Variants in PLEKHA5 observed in about 807,000 individuals in gnomAD.
PLEKHA5 encodes pleckstrin homology domain-containing family A member 5.
PLEKHA5 carries 55 observed loss-of-function variants against 181.9 expected under a neutral mutation model. That is an observed-to-expected ratio of 0.30 (90% CI 0.24 to 0.38). The LOEUF is 0.38. Ranked by LOEUF, PLEKHA5 falls within the 10% of genes least tolerant of loss-of-function variation. The probability of loss-of-function intolerance (pLI) is 1.00; values close to 1 mark genes in which losing one functional copy is unlikely to be tolerated. For missense variants in PLEKHA5, 1,432 were observed against 1,549.5 expected, an observed-to-expected ratio of 0.92 and a Z score of 1.27; for synonymous variants, 535 against 529.4, an observed-to-expected ratio of 1.01 and a Z score of -0.15.
chr12:19,358,279 C>A lies in PLEKHA5; in HGVS notation c.3190C>A (p.Pro1064Thr), dbSNP rs766104624. The change falls in exon 27 of 32, where the codon CCA becomes ACA. Residue 1064 changes from proline to threonine, a missense_variant. By Grantham distance (38) the Pro-to-Thr change is conservative (BLOSUM62 -1). Coordinates refer to ENST00000429027, the MANE Select transcript of PLEKHA5 (RefSeq NM_001256470.2). ...EQLCLAESTR[P>T]RMTVEEQMER... ...GCTCTGTTTGGCTGAAAGTACTCGACCAAGGATGACTGTGGAAGAGCAAAT... is the reference window on the plus strand; with the variant it reads ...GCTCTGTTTGGCTGAAAGTACTCGAACAAGGATGACTGTGGAAGAGCAAAT... 6 of 1,613,922 alleles carry A rather than the reference C, an allele frequency of 3.7e-6. No individual in the cohort carries two copies. In the South Asian group the frequency reaches 5.5e-5, roughly 15 times the overall value.
chr12:19,322,675 G>GT lies in PLEKHA5; in HGVS notation c.2448+8_2448+9insT. The GT allele has an allele frequency of 1.3e-6, 2 of 1,593,646 alleles. No individual in the cohort carries two copies. Among genetic ancestry groups the GT allele is most frequent in the South Asian group, 2.3e-5 (2 of 86,464 alleles). ...CTTTCTCGAGCCACTGCCGTAAGTAGATTTTTTTTTTCCCCTAATAAAAGT... is the reference window on the plus strand; with the variant it reads ...CTTTCTCGAGCCACTGCCGTAAGTAGTATTTTTTTTTTCCCCTAATAAAAGT... On this transcript the variant is annotated intron_variant, in intron 20 of 31. Transcript: ENST00000429027.
intron 11 of PLEKHA5, among the ~76,000 whole-genome samples, chr12:19,281,238 A>G (rs1054507835): frequency 3.3e-5 from 5 of 151,902 alleles, no homozygotes; most frequent in African/African-American, 9.7e-5. Context: ...AAAAAAAAAA[A>G]AAAAGTATGT....
chr12:19,304,018 A>G (rs1369225574), intron 15 of PLEKHA5, among the ~76,000 whole-genome samples: 2 of 150,496 alleles, frequency 1.3e-5, no homozygotes, highest in African/African-American at 4.9e-5. Flanking sequence ...CATGTTGCCC[A>G]TGCTGGTCTT....
At chr12:19,283,852 A>G (rs1312144767) in intron 12 of PLEKHA5, 107 bp downstream of exon 12, 3 of 653,946 alleles carry the variant, frequency 4.6e-6, no homozygotes, top group African/African-American at 3.6e-5. Flanking sequence ...GGATAAAGTA[A>G]GCAAGGCAGC....
intron 3 of PLEKHA5, among the ~76,000 whole-genome samples, chr12:19,156,421 T>C (rs1401090348): frequency 3.3e-5 from 5 of 152,010 alleles, no homozygotes; most frequent in Admixed American, 6.5e-5. Context: ...TTTTTTTTCA[T>C]GTTTTATTTT....
chr12:19,162,595 G>A (rs569861951), intron 3 of PLEKHA5, among the ~76,000 whole-genome samples: 11 of 151,848 alleles, frequency 7.2e-5, no homozygotes, highest in Admixed American at 7.2e-4. Flanking sequence ...AAAGAGTTGG[G>A]GGCAGAGAGC....
chr12:19,304,628 CT>C (rs1292752452), intron 15 of PLEKHA5, among the ~76,000 whole-genome samples: 2 of 152,150 alleles, frequency 1.3e-5, no homozygotes, highest in Non-Finnish European at 2.9e-5. Context: ...GACAGTAAAT[CT>C]TCAGAAAGAC....
intron 3 of PLEKHA5, chr12:19,154,728 G>C (rs961196715): frequency 6.6e-6 from 1 of 152,096 alleles, no homozygotes; most frequent in African/African-American, 2.4e-5. Flanking sequence ...TTAAAAACTG[G>C]AATCTACTAG....
At chr12:19,199,868 C>G (rs997017035) in intron 3 of PLEKHA5, among the ~76,000 whole-genome samples, 4 of 151,988 alleles carry the variant, frequency 2.6e-5, no homozygotes, top group African/African-American at 9.7e-5. Context: ...AACTGGAGGT[C>G]ATTAAGTGAA....
At position 19,265,865 on chromosome 12, in the gene PLEKHA5, C is replaced by G. The variant is rs2152671834; in HGVS notation, c.711+15C>G. ...ATGCTTTTAAGGTAAGGAAATAATG[C>G]AGTTTTTAATTCTGTGTTCAAAACT... On this transcript the variant is annotated intron_variant, in intron 8 of 31. Coordinates refer to ENST00000429027, the MANE Select transcript of PLEKHA5 (RefSeq NM_001256470.2). 7.0e-7 allele frequency: 1 copy of G among 1,424,626 alleles called. No individual in the cohort carries two copies. Among genetic ancestry groups the G allele is most frequent in the Admixed American group, 1.8e-5 (1 of 56,892 alleles). The allele number at this position is 1,424,626 out of a possible 1,614,324, so 88.2% of individuals were successfully genotyped here.
intron 3 of PLEKHA5, among the ~76,000 whole-genome samples, chr12:19,149,158 A>T (rs551738524): frequency 1.1e-4 from 16 of 152,330 alleles, no homozygotes; most frequent in African/African-American, 3.4e-4. Flanking sequence ...ATATATTATC[A>T]GAGTTGAATA....
intron 25 of PLEKHA5, among the ~76,000 whole-genome samples, chr12:19,349,893 G>A (rs771649727): frequency 3.4e-4 from 52 of 152,116 alleles, no homozygotes; most frequent in Non-Finnish European, 4.7e-4. Flanking sequence ...CGGGCAGATC[G>A]CAAGGTCAGG....
chr12:19,172,790 G>A (rs1189917381), intron 3 of PLEKHA5, among the ~76,000 whole-genome samples: 1 of 151,968 alleles, frequency 6.6e-6, no homozygotes, highest in African/African-American at 2.4e-5. Flanking sequence ...ACAGTCACAT[G>A]GCTAGAAAAT....
chr12:19,261,087 G>A, intron 7 of PLEKHA5, 66 bp downstream of exon 7: 1 of 839,542 alleles, frequency 1.2e-6, no homozygotes, highest in South Asian at 1.7e-5. Flanking sequence ...TTAAGTATCA[G>A]ATACTTTAAA....
intron 11 of PLEKHA5, among the ~76,000 whole-genome samples, chr12:19,275,624 A>G (rs893621623): frequency 6.6e-6 from 1 of 152,060 alleles, no homozygotes; most frequent in Admixed American, 6.6e-5. Context: ...AAATTAGCCA[A>G]GCATAGTGGT....
chr12:19,355,671 C>T (rs2153225872), intron 26 of PLEKHA5, among the ~76,000 whole-genome samples: 1 of 151,732 alleles, frequency 6.6e-6, no homozygotes, highest in East Asian at 1.9e-4. Flanking sequence ...TCAATTAGTA[C>T]AAAAGTATAA....
At chr12:19,290,921 A>G (rs766170470) in intron 14 of PLEKHA5, 125 bp downstream of exon 14, 10 of 781,206 alleles carry the variant, frequency 1.3e-5, no homozygotes, top group Non-Finnish European at 1.9e-5. Flanking sequence ...TAGTGACAAC[A>G]TTAGAATCTC....
intron 3 of PLEKHA5, among the ~76,000 whole-genome samples, chr12:19,175,882 AGTC>A (rs975412299): frequency 6.6e-6 from 1 of 152,214 alleles, no homozygotes; most frequent in African/African-American, 2.4e-5. Flanking sequence ...GTATATTGGG[AGTC>A]AACCAACAAA....
At chr12:19,374,951 T>C (rs1017845247) in intron 31 of PLEKHA5, among the ~76,000 whole-genome samples, 1 of 151,478 alleles carries the variant, frequency 6.6e-6, no homozygotes, top group Non-Finnish European at 1.5e-5. Context: ...CAAGACTCCG[T>C]CTCCAAAATG....
Sources: allele counts gnomAD v4.1 joint callset (sites outside exome capture counted in the v4.1 genomes callset), GRCh38; gene constraint gnomAD v4.1.1; transcripts MANE v1.5; gene names NCBI Gene and HGNC (gene_info 2026-07-23, HGNC 2026-07-21).